The following RSRC1 variants were observed in gnomAD, a reference collection of about 807,000 sequenced individuals.
RSRC1 encodes arginine and serine rich coiled-coil 1.
Under a neutral mutation model 49.1 loss-of-function variants are expected in RSRC1, and 39 were observed. The ratio of observed to expected loss-of-function variants is 0.79; its 90% CI spans 0.61 to 1.04. The LOEUF is 1.04. Among genes scored for constraint, RSRC1 ranks in the 50% least tolerant of loss-of-function variants. The pLI is 0.00. For missense variants in RSRC1, 388 were observed against 402.4 expected (o/e 0.96, Z 0.31); for synonymous variants, 143 against 130.8 (o/e 1.09, Z -0.63).
At chr3:158,446,426 CT>C (rs1320817200) in intron 6 of RSRC1, among the ~76,000 whole-genome samples, 2 of 151,096 alleles carry the variant, frequency 1.3e-5, no homozygotes, top group African/African-American at 4.9e-5. Flanking sequence ...ATTTAAAGGT[CT>C]TGTTATCATC....
At chr3:158,381,437 G>A (rs1013656363) in intron 6 of RSRC1, among the ~76,000 whole-genome samples, 2 of 152,122 alleles carry the variant, frequency 1.3e-5, no homozygotes, top group Admixed American at 1.3e-4. Flanking sequence ...CGCAGTTCTT[G>A]CATATTTTTC....
intron 7 of RSRC1, among the ~76,000 whole-genome samples, chr3:158,500,340 G>T (rs947519485): frequency 6.6e-6 from 1 of 151,982 alleles, no homozygotes; most frequent in Non-Finnish European, 1.5e-5. Flanking sequence ...TTTTGGTTAT[G>T]TCCTTTCCTG....
At chr3:158,425,054 A>G (rs1735328920) in intron 6 of RSRC1, among the ~76,000 whole-genome samples, 1 of 150,926 alleles carries the variant, frequency 6.6e-6, no homozygotes, top group South Asian at 2.1e-4. Context: ...TAATTTTTTG[A>G]AGGGTTTTTT....
intron 4 of RSRC1, among the ~76,000 whole-genome samples, chr3:158,249,455 C>T (rs1724084315): frequency 6.6e-6 from 1 of 152,158 alleles, no homozygotes; most frequent in South Asian, 2.1e-4. Context: ...CTCTTTGTTG[C>T]TGAATAGTAT....
chr3:158,511,381 T>C (rs2108473757), intron 7 of RSRC1, among the ~76,000 whole-genome samples: 1 of 152,298 alleles, frequency 6.6e-6, no homozygotes, highest in South Asian at 2.1e-4. Context: ...GTGTTTGCTT[T>C]TTGTTCTTGC....
At chr3:158,236,332 A>G (rs891904084) in intron 4 of RSRC1, among the ~76,000 whole-genome samples, 4 of 152,218 alleles carry the variant, frequency 2.6e-5, no homozygotes, top group Admixed American at 6.5e-5. Context: ...AAATAAAGGT[A>G]CGTCTTTATT....
intron 5 of RSRC1, among the ~76,000 whole-genome samples, chr3:158,305,057 T>C (rs924557066): frequency 5.9e-5 from 9 of 152,128 alleles, no homozygotes. Flanking sequence ...CTGATACATT[T>C]TGATGAGTTA....
chr3:158,265,747 G>A (rs532858183), intron 4 of RSRC1, among the ~76,000 whole-genome samples: 8 of 152,046 alleles, frequency 5.3e-5, no homozygotes, highest in African/African-American at 1.7e-4. Context: ...TTGATAAATT[G>A]CAATTTATCA....
chr3:158,419,903 T>C (rs1734947633), intron 6 of RSRC1, among the ~76,000 whole-genome samples: 1 of 151,792 alleles, frequency 6.6e-6, no homozygotes, highest in African/African-American at 2.4e-5. Flanking sequence ...TAACTTTTCC[T>C]ACATTAACAG....
chr3:158,437,952 TAAAC>T (rs2108367347), intron 6 of RSRC1, among the ~76,000 whole-genome samples: 1 of 152,256 alleles, frequency 6.6e-6, no homozygotes, highest in African/African-American at 2.4e-5. Context: ...CTTCAGCTGA[TAAAC>T]AACTTCAGCA....
chr3:158,341,763 C>T (rs1192833268), intron 5 of RSRC1, among the ~76,000 whole-genome samples: 1 of 152,172 alleles, frequency 6.6e-6, no homozygotes, highest in Non-Finnish European at 1.5e-5. Context: ...ACAGCTTGAA[C>T]CGTGTGCCTG....
chr3:158,485,896 A>G (rs1207081923), intron 7 of RSRC1, among the ~76,000 whole-genome samples: 1 of 152,164 alleles, frequency 6.6e-6, no homozygotes, highest in Non-Finnish European at 1.5e-5. Flanking sequence ...ACCTGGCTTG[A>G]TGTGAAGTCA....
chr3:158,264,836 A>G (rs1725082590), intron 4 of RSRC1, among the ~76,000 whole-genome samples: 1 of 152,178 alleles, frequency 6.6e-6, no homozygotes, highest in Admixed American at 6.5e-5. Context: ...ATGAGTTATG[A>G]GTTTTTCCTG....
chr3:158,489,173 AG>A (rs1199314035), intron 7 of RSRC1, among the ~76,000 whole-genome samples: 30 of 152,358 alleles, frequency 2.0e-4, no homozygotes, highest in African/African-American at 6.5e-4. Flanking sequence ...CATACATAAA[AG>A]GTTTTTTCCT....
chr3:158,389,301 T>G (rs967130034), intron 6 of RSRC1, among the ~76,000 whole-genome samples: 3 of 152,212 alleles, frequency 2.0e-5, no homozygotes, highest in African/African-American at 7.2e-5. Flanking sequence ...TATTTCTTTG[T>G]AAAATAACTT....
At chr3:158,504,827 A>G (rs1443149228) in intron 7 of RSRC1, among the ~76,000 whole-genome samples, 2 of 152,216 alleles carry the variant, frequency 1.3e-5, no homozygotes, top group Non-Finnish European at 2.9e-5. Flanking sequence ...GATAAAGGAA[A>G]CCTTTTAAAG....
chr3:158,491,597 G>A (rs1311734999), intron 7 of RSRC1, among the ~76,000 whole-genome samples: 1 of 152,062 alleles, frequency 6.6e-6, no homozygotes, highest in Non-Finnish European at 1.5e-5. Flanking sequence ...CTGGTAAAAG[G>A]GGACTTTAAC....
intron 4 of RSRC1, among the ~76,000 whole-genome samples, chr3:158,266,904 C>T (rs1001018868): frequency 6.6e-6 from 1 of 152,098 alleles, no homozygotes; most frequent in Non-Finnish European, 1.5e-5. Flanking sequence ...TCTGAGACTA[C>T]AGGAACACAC....
intron 5 of RSRC1, among the ~76,000 whole-genome samples, chr3:158,350,205 T>G (rs1730796434): frequency 7.2e-6 from 1 of 139,478 alleles, no homozygotes. Flanking sequence ...TGAGAAAAGG[T>G]CTGGCTCTAT....
Sources: gnomAD v4.1 joint callset for allele counts (sites outside exome capture counted in the v4.1 genomes callset) on GRCh38, gnomAD v4.1.1 for gene constraint, MANE v1.5 for transcripts, NCBI Gene and HGNC (gene_info 2026-07-23, HGNC 2026-07-21) for gene names.